The following PTPRG variants were observed in gnomAD, a reference collection of about 807,000 sequenced individuals.
PTPRG encodes receptor-type tyrosine-protein phosphatase gamma.
Under a neutral mutation model 165.3 loss-of-function variants are expected in PTPRG, and 102 were observed. That is an observed-to-expected ratio of 0.62 (90% CI 0.53 to 0.73). PTPRG has a LOEUF of 0.73. PTPRG is among the 30% of genes least tolerant of loss of function. The pLI is 0.00. For synonymous variants in PTPRG, 675 were observed against 669.5 expected (o/e 1.01, Z -0.13); for missense variants, 1,866 against 1,861.4 (o/e 1.00, Z -0.05).
At chr3:62,292,883 G>C (rs534481215) in intron 29 of PTPRG, among the ~76,000 whole-genome samples, 1 of 151,996 alleles carries the variant, frequency 6.6e-6, no homozygotes, top group Non-Finnish European at 1.5e-5. Context: ...ATATTAACCA[G>C]ATATTGGTTA....
In PTPRG at chr3:62,217,023, T is replaced by C. The variant is rs978426762; in HGVS notation, c.2156-1828T>C. On this transcript the variant is annotated intron_variant, in intron 12 of 29. Coordinates refer to ENST00000474889, the MANE Select transcript of PTPRG (RefSeq NM_002841.4). The surrounding 1 kb of genome is among the most constrained non-coding windows in gnomAD (Gnocchi z 4.3). ...GCCACATTCATTGCATTCTAATTAA[T>C]TGTTGTTGTGCCTGCCTCTCCCCAT... Among the ~76,000 whole-genome samples the C allele has an allele frequency of 6.6e-5, 10 of 152,084 alleles. No homozygotes were observed. Among genetic ancestry groups the C allele is most frequent in the African/African-American group, 1.4e-4 (6 of 41,400 alleles).
At chr3:62,165,637 C>A (rs1704942806) in intron 7 of PTPRG, among the ~76,000 whole-genome samples, 1 of 152,144 alleles carries the variant, frequency 6.6e-6, no homozygotes, top group Non-Finnish European at 1.5e-5. Flanking sequence ...GAGTAACAGG[C>A]TGCTTTGGCT....
chr3:61,875,743 T>G (rs933442883), intron 2 of PTPRG, among the ~76,000 whole-genome samples: 9 of 152,156 alleles, frequency 5.9e-5, no homozygotes, highest in Admixed American at 3.9e-4. Flanking sequence ...TGCCATCATT[T>G]CTCGCAGAGA....
At chr3:61,796,625 G>A (rs1282769210) in intron 2 of PTPRG, among the ~76,000 whole-genome samples, 5 of 152,180 alleles carry the variant, frequency 3.3e-5, no homozygotes, top group South Asian at 4.1e-4. Context: ...TTTGTTGCCC[G>A]CACCTTTGCC....
intron 2 of PTPRG, among the ~76,000 whole-genome samples, chr3:61,853,019 T>A (rs546129729): frequency 6.6e-6 from 1 of 152,340 alleles, no homozygotes; most frequent in African/African-American, 2.4e-5. Flanking sequence ...TATTGAATGA[T>A]TTCTTTGTAA....
At chr3:61,741,600 G>A (rs2032987783) in intron 1 of PTPRG, among the ~76,000 whole-genome samples, 1 of 152,192 alleles carries the variant, frequency 6.6e-6, no homozygotes, top group African/African-American at 2.4e-5. Context: ...ATTGTAGATG[G>A]AACTTTGGGA....
At chr3:61,802,008 G>C (rs1235498737) in intron 2 of PTPRG, among the ~76,000 whole-genome samples, 1 of 142,160 alleles carries the variant, frequency 7.0e-6, no homozygotes, top group Non-Finnish European at 1.5e-5. Flanking sequence ...CTGGCCAACA[G>C]AGCAAGACTC....
At chr3:61,606,011 C>T (rs1211937632) in intron 1 of PTPRG, among the ~76,000 whole-genome samples, 1 of 152,250 alleles carries the variant, frequency 6.6e-6, no homozygotes, top group African/African-American at 2.4e-5. Flanking sequence ...CCCCTCACCC[C>T]ATGTGGTGTA....
chr3:62,031,207 G>C (rs892655128), intron 4 of PTPRG, among the ~76,000 whole-genome samples: 2 of 152,174 alleles, frequency 1.3e-5, no homozygotes, highest in Admixed American at 1.3e-4. Context: ...AATTACAATT[G>C]TAATACAACA....
At chr3:62,201,221 A>G (rs558529105) in intron 10 of PTPRG, among the ~76,000 whole-genome samples, 64 of 152,354 alleles carry the variant, frequency 4.2e-4, no homozygotes, top group African/African-American at 1.4e-3. Flanking sequence ...TTTTACCTCA[A>G]TAAAACAGAA....
intron 2 of PTPRG, among the ~76,000 whole-genome samples, chr3:61,818,642 C>T (rs955071550): frequency 1.3e-5 from 2 of 151,286 alleles, no homozygotes; most frequent in Admixed American, 6.6e-5. Flanking sequence ...CCAGCCTAGA[C>T]AATAGAGCAA....
chr3:62,214,363 A>C lies in PTPRG; in HGVS notation c.2156-4488A>C, dbSNP rs530230244. Among the ~76,000 whole-genome samples, 13 of 152,360 alleles carry C rather than the reference A, an allele frequency of 8.5e-5. No homozygotes were observed. Among genetic ancestry groups the C allele is most frequent in the African/African-American group, 3.1e-4 (13 of 41,580 alleles). On this transcript the variant is annotated intron_variant, in intron 12 of 29. Transcript: ENST00000474889. This position sits in a 1 kb window ranked among gnomAD's most constrained non-coding sequence, Gnocchi z 5.2. ...GGTGGTGGTGATGACAATAATCACAATAGTTAACATTAACCAGGTGCCAGG... is the reference window on the plus strand; with the variant it reads ...GGTGGTGGTGATGACAATAATCACACTAGTTAACATTAACCAGGTGCCAGG...
intron 2 of PTPRG, among the ~76,000 whole-genome samples, chr3:61,971,310 T>C (rs987101326): frequency 1.3e-5 from 2 of 151,900 alleles, no homozygotes; most frequent in Non-Finnish European, 2.9e-5. Flanking sequence ...CTTATCATCA[T>C]GGAAGTACTT....
intron 2 of PTPRG, among the ~76,000 whole-genome samples, chr3:61,786,895 A>T (rs1342181379): frequency 6.6e-6 from 1 of 152,224 alleles, no homozygotes; most frequent in East Asian, 1.9e-4. Context: ...ACAAAGAGAA[A>T]ATAGATGTCT....
At chr3:62,239,360 CTTT>C (rs776921598) in intron 14 of PTPRG, among the ~76,000 whole-genome samples, 2 of 124,528 alleles carry the variant, frequency 1.6e-5, no homozygotes, top group Admixed American at 8.3e-5. Context: ...TTTTTTCTTT[CTTT>C]TTTTTTTTTT....
intron 3 of PTPRG, among the ~76,000 whole-genome samples, chr3:61,993,921 A>G (rs1319272104): frequency 6.6e-6 from 1 of 151,994 alleles, no homozygotes; most frequent in Non-Finnish European, 1.5e-5. Context: ...AAAACAGCTT[A>G]AATGTTCAGA....
intron 2 of PTPRG, among the ~76,000 whole-genome samples, chr3:61,783,456 C>G (rs145585213): frequency 6.6e-6 from 1 of 152,174 alleles, no homozygotes; most frequent in Non-Finnish European, 1.5e-5. Context: ...CCAGTTCACA[C>G]AGTATCACCA....
intron 2 of PTPRG, among the ~76,000 whole-genome samples, chr3:61,813,345 A>G (rs1166174767): frequency 2.0e-5 from 3 of 148,534 alleles, no homozygotes; most frequent in Admixed American, 6.7e-5. Context: ...AAAAAAAAAA[A>G]ATAGAAAAAA....
At chr3:61,908,418 A>AAG (rs1370492472) in intron 2 of PTPRG, among the ~76,000 whole-genome samples, 1 of 150,898 alleles carries the variant, frequency 6.6e-6, no homozygotes, top group African/African-American at 2.5e-5. Context: ...GAGCAAAAAA[A>AAG]AAAAAAAAAA....
Sources: allele counts gnomAD v4.1 joint callset (sites outside exome capture counted in the v4.1 genomes callset), GRCh38; gene constraint gnomAD v4.1.1; non-coding constraint Gnocchi (gnomAD v3.1); transcripts MANE v1.5; gene names NCBI Gene and HGNC (gene_info 2026-07-23, HGNC 2026-07-21).